Variants in CSGALNACT1 observed in about 807,000 individuals in gnomAD.
CSGALNACT1 encodes beta4GalNAcT-1.
In CSGALNACT1, 52 loss-of-function variants were observed where a neutral mutation model predicts 51.0. The ratio of observed to expected loss-of-function variants is 1.02; its 90% CI spans 0.82 to 1.29. CSGALNACT1 has a LOEUF of 1.29. Among genes scored for constraint, CSGALNACT1 ranks in the 50% most tolerant of loss-of-function variants. The probability of loss-of-function intolerance (pLI) is 0.00; values close to 1 mark genes in which losing one functional copy is unlikely to be tolerated. For missense variants in CSGALNACT1, 935 were observed against 679.2 expected (o/e 1.38, Z -4.19); for synonymous variants, 341 against 254.4 (o/e 1.34, Z -3.24).
chr8:19,539,503 C>T (rs2154068093), intron 3 of CSGALNACT1, among the ~76,000 whole-genome samples: 2 of 152,230 alleles, frequency 1.3e-5, no homozygotes, highest in Admixed American at 1.3e-4. Context: ...ACGTTTTTGA[C>T]TGGAAGGGAA....
intron 5 of CSGALNACT1, among the ~76,000 whole-genome samples, chr8:19,448,626 G>A (rs2062557193): frequency 6.6e-6 from 1 of 152,158 alleles, no homozygotes. Context: ...GGACTGAGGA[G>A]GAGGGGGATC....
At chr8:19,710,272 C>T (rs1303984992) in intron 1 of CSGALNACT1, among the ~76,000 whole-genome samples, 1 of 152,120 alleles carries the variant, frequency 6.6e-6, no homozygotes, top group Non-Finnish European at 1.5e-5. Flanking sequence ...TGAATAGGGT[C>T]TATAATCCAT....
intron 4 of CSGALNACT1, among the ~76,000 whole-genome samples, chr8:19,463,093 G>T (rs142995743): frequency 1.3e-5 from 2 of 152,072 alleles, no homozygotes; most frequent in Admixed American, 6.6e-5. Flanking sequence ...TCCGGTTTCT[G>T]CATTCACTTA....
intron 1 of CSGALNACT1, among the ~76,000 whole-genome samples, chr8:19,719,947 A>G (rs2063024868): frequency 6.6e-6 from 1 of 152,258 alleles, no homozygotes; most frequent in African/African-American, 2.4e-5. Context: ...CTTCCAAGAA[A>G]GCTATCATTT....
At chr8:19,755,972 G>A (rs1296263559) in intron 1 of CSGALNACT1, among the ~76,000 whole-genome samples, 2 of 152,102 alleles carry the variant, frequency 1.3e-5, no homozygotes, top group Non-Finnish European at 2.9e-5. Context: ...CCAACACCTA[G>A]TCCCCTGTGT....
At chr8:19,538,206 G>C (rs1336833435) in intron 3 of CSGALNACT1, among the ~76,000 whole-genome samples, 1 of 152,090 alleles carries the variant, frequency 6.6e-6, no homozygotes, top group African/African-American at 2.4e-5. Context: ...GCATGTGCCT[G>C]TAGTCCCCTA....
At position 19,405,915 on chromosome 8, in the gene CSGALNACT1, C is replaced by T. The variant is rs1190101689; in HGVS notation, c.1464G>A (p.Glu488=). The T allele has an allele frequency of 2.5e-6, 4 of 1,614,030 alleles. No homozygotes were observed. In the Admixed American group the frequency reaches 5.0e-5, roughly 20 times the overall value. ...TGGACTGCATGCACATCTTGTACTGCTCGGGGGTCAGCTCGTCCATGCAGC... is the reference window on the plus strand; with the variant it reads ...TGGACTGCATGCACATCTTGTACTGTTCGGGGGTCAGCTCGTCCATGCAGC... Residue 488 remains glutamate (E), a synonymous_variant, in exon 10 of 10, where the codon GAG becomes GAA. Coordinates refer to ENST00000454498, the Ensembl canonical transcript of CSGALNACT1.
At chr8:19,676,473 G>C (rs2060200294) in intron 1 of CSGALNACT1, among the ~76,000 whole-genome samples, 1 of 152,166 alleles carries the variant, frequency 6.6e-6, no homozygotes. Flanking sequence ...GGAGGTAACA[G>C]TCAAGAAAAG....
chr8:19,437,403 G>T (rs1368756894), intron 6 of CSGALNACT1, among the ~76,000 whole-genome samples: 1 of 152,198 alleles, frequency 6.6e-6, no homozygotes, highest in African/African-American at 2.4e-5. Flanking sequence ...GGCTAAGGCA[G>T]TGAGGGAGGT....
At chr8:19,457,502 A>T (rs1215014698) in intron 5 of CSGALNACT1, 3 of 415,040 alleles carry the variant, frequency 7.2e-6, no homozygotes, top group African/African-American at 4.2e-5. Context: ...AATCCCAGCT[A>T]CTTGGGAAGC....
chr8:19,569,644 C>T (rs1462508363), intron 3 of CSGALNACT1, among the ~76,000 whole-genome samples: 5 of 152,002 alleles, frequency 3.3e-5, no homozygotes, highest in South Asian at 2.1e-4. Flanking sequence ...CTGGTAGAGT[C>T]GAAATTGATA....
At chr8:19,606,545 G>C (rs2051398432), upstream of CSGALNACT1, among the ~76,000 whole-genome samples, 1 of 152,100 alleles carries the variant, frequency 6.6e-6, no homozygotes, top group South Asian at 2.1e-4. Context: ...GATTTTAAAG[G>C]TCATGAGTTC....
At chr8:19,716,750 C>T (rs1208523289) in intron 1 of CSGALNACT1, among the ~76,000 whole-genome samples, 1 of 151,694 alleles carries the variant, frequency 6.6e-6, no homozygotes, top group Non-Finnish European at 1.5e-5. Flanking sequence ...CAAGATCGTA[C>T]CACCGCACTC....
chr8:19,606,649 A>T (rs115809724), upstream of CSGALNACT1, among the ~76,000 whole-genome samples: 2 of 152,182 alleles, frequency 1.3e-5, no homozygotes, highest in Non-Finnish European at 2.9e-5. Flanking sequence ...GACTCAACGG[A>T]AACATATCTA....
intron 4 of CSGALNACT1, among the ~76,000 whole-genome samples, chr8:19,499,867 C>A (rs988987870): frequency 6.6e-6 from 1 of 152,128 alleles, no homozygotes; most frequent in Non-Finnish European, 1.5e-5. Context: ...GTTGCAGGAT[C>A]CTGATGGAGT....
At chr8:19,437,191 G>A (rs1292626315) in intron 6 of CSGALNACT1, among the ~76,000 whole-genome samples, 2 of 152,190 alleles carry the variant, frequency 1.3e-5, no homozygotes, top group East Asian at 1.9e-4. Flanking sequence ...AGGACTGGAA[G>A]TCAGAAAGAG....
At chr8:19,621,126 A>G (rs2053770907) in intron 1 of CSGALNACT1, among the ~76,000 whole-genome samples, 1 of 152,228 alleles carries the variant, frequency 6.6e-6, no homozygotes, top group Admixed American at 6.5e-5. Flanking sequence ...AGAAGTAACT[A>G]CTGTATTTAA....
At chr8:19,405,774 G>T (rs1223837945) in exon 10 of CSGALNACT1, 1 of 1,613,972 alleles carries the variant, frequency 6.2e-7, no homozygotes, top group African/African-American at 1.3e-5. Context: ...ATCCTTCTCT[G>T]GGAGTTCATG....
intron 3 of CSGALNACT1, among the ~76,000 whole-genome samples, chr8:19,525,614 C>A (rs2081509127): frequency 3.0e-5 from 1 of 33,822 alleles, no homozygotes; most frequent in Non-Finnish European, 5.1e-5. Context: ...GAAACTTGTC[C>A]CAAAAAAAAA....
Sources: allele counts gnomAD v4.1 joint callset (sites outside exome capture counted in the v4.1 genomes callset), GRCh38; gene constraint gnomAD v4.1.1; transcripts MANE v1.5; gene names NCBI Gene and HGNC (gene_info 2026-07-23, HGNC 2026-07-21).